Variants in SHLD1 observed in about 807,000 individuals in gnomAD.
SHLD1 encodes RINN1-REV7-interacting novel NHEJ regulator 3.
Under a neutral mutation model 5.5 loss-of-function variants are expected in SHLD1, and 3 were observed. The observed-to-expected ratio is 0.54, with a 90% confidence interval of 0.25 to 1.40. The LOEUF (loss-of-function observed/expected upper bound fraction) is 1.40, where lower values mean the gene tolerates loss of function less well. Ranked by LOEUF, SHLD1 falls within the 40% of genes most tolerant of loss-of-function variation. The probability of loss-of-function intolerance (pLI) is 0.15; values close to 1 mark genes in which losing one functional copy is unlikely to be tolerated. For synonymous variants in SHLD1, 92 were observed against 94.3 expected (o/e 0.98, Z 0.14); for missense variants, 210 against 244.4 (o/e 0.86, Z 0.94).
At position 5,785,121 on chromosome 20, in the gene SHLD1, G is replaced by GT. The variant is rs372807745; in HGVS notation, c.178+12079dup. 7.8e-3 allele frequency among the ~76,000 whole-genome samples: 1,184 copies of GT among 152,258 alleles called. 16 individuals are homozygous for GT. Among genetic ancestry groups the GT allele is most frequent in the African/African-American group, 0.027 (1,103 of 41,542 alleles). On this transcript the variant is annotated intron_variant, in intron 2 of 2. Transcript: ENST00000303142. Reference sequence around the variant, plus strand: ...ATTACAATAGTCAATCCCAAAGACCGTAGGCCATAAGACCCCCATTTCAAA... The same window carrying GT: ...ATTACAATAGTCAATCCCAAAGACCGTTAGGCCATAAGACCCCCATTTCAAA...
chr20:5,852,638 C>T (rs555484725), intron 2 of SHLD1, among the ~76,000 whole-genome samples: 45 of 152,074 alleles, frequency 3.0e-4, no homozygotes, highest in Admixed American at 8.5e-4. Context: ...TTAGTAGAGA[C>T]GGGGTTTTGC....
chr20:5,848,925 A>C (rs574441035), intron 2 of SHLD1, among the ~76,000 whole-genome samples: 1 of 152,156 alleles, frequency 6.6e-6, no homozygotes, highest in Non-Finnish European at 1.5e-5. Flanking sequence ...TCCAGTTTGA[A>C]CTTTCAGATA....
intron 2 of SHLD1, among the ~76,000 whole-genome samples, chr20:5,787,101 T>G (rs2087070339): frequency 6.6e-6 from 1 of 152,202 alleles, no homozygotes; most frequent in African/African-American, 2.4e-5. Flanking sequence ...TTAAATAAAT[T>G]TGTATGCCTT....
At chr20:5,836,063 AT>A (rs986184369) in intron 2 of SHLD1, among the ~76,000 whole-genome samples, 4 of 147,028 alleles carry the variant, frequency 2.7e-5, no homozygotes, top group Non-Finnish European at 4.5e-5. Flanking sequence ...TTTTCTGTCT[AT>A]TTTTTTTTCT....
At chr20:5,848,725 G>A (rs1357501469) in intron 2 of SHLD1, among the ~76,000 whole-genome samples, 3 of 152,144 alleles carry the variant, frequency 2.0e-5, no homozygotes, top group African/African-American at 4.8e-5. Context: ...CAGAACATTG[G>A]TCTTATTAAA....
chr20:5,762,399 C>T (rs1042946285), intron 1 of SHLD1, among the ~76,000 whole-genome samples: 2 of 152,042 alleles, frequency 1.3e-5, no homozygotes, highest in African/African-American at 2.4e-5. Context: ...CACCCTAGCC[C>T]GAATTAACCC....
intron 1 of SHLD1, among the ~76,000 whole-genome samples, chr20:5,756,137 C>A (rs1043080248): frequency 2.0e-5 from 3 of 151,886 alleles, no homozygotes; most frequent in African/African-American, 7.3e-5. Flanking sequence ...ATCTCTGACC[C>A]CCCTTTCCAT....
At chr20:5,849,961 G>A (rs902199281) in intron 2 of SHLD1, among the ~76,000 whole-genome samples, 3 of 100,926 alleles carry the variant, frequency 3.0e-5, no homozygotes, top group South Asian at 3.2e-4. Flanking sequence ...GCGAGACTCC[G>A]TCTCAAAAAA....
At chr20:5,784,672 G>T (rs1263734381) in intron 2 of SHLD1, among the ~76,000 whole-genome samples, 1 of 151,858 alleles carries the variant, frequency 6.6e-6, no homozygotes. Flanking sequence ...GGTTGGTCTC[G>T]ATCGCCTGAC....
Position 5,863,351 on chromosome 20 carries a change from T to C in SHLD1, c.506T>C (p.Phe169Ser), listed in dbSNP as rs567946919. Residue 169 changes from phenylalanine (F) to serine (S), a missense_variant, in exon 3 of 3, where the codon TTC (phenylalanine) becomes TCC (serine). Transcript: ENST00000303142. The part of the protein sequence containing the change: ...VLQRHSRDTH[F>S]YPLEEGSTSL... ...CAGAGGCATTCCAGGGACACCCACTTCTACCCACTGGAGGAAGGAAGTACA... is the reference window on the plus strand; with the variant it reads ...CAGAGGCATTCCAGGGACACCCACTCCTACCCACTGGAGGAAGGAAGTACA... 1.9e-6 allele frequency: 3 copies of C among 1,614,220 alleles called. No individual in the cohort carries two copies. Among genetic ancestry groups the C allele is most frequent in the Admixed American group, 3.3e-5 (2 of 60,026 alleles).
At chr20:5,815,785 A>G (rs1407952955) in intron 2 of SHLD1, among the ~76,000 whole-genome samples, 2 of 152,158 alleles carry the variant, frequency 1.3e-5, no homozygotes, top group Non-Finnish European at 2.9e-5. Flanking sequence ...TTGTTTTTAT[A>G]TAAAAGAAAT....
chr20:5,860,876 T>TAAAAAAAAAA (rs10555301), intron 2 of SHLD1, among the ~76,000 whole-genome samples: 2 of 100,788 alleles, frequency 2.0e-5, no homozygotes, highest in Non-Finnish European at 3.8e-5. Flanking sequence ...TACTATTCTT[T>TAAAAAAAAAA]AAAAAAAAAA....
intron 2 of SHLD1, among the ~76,000 whole-genome samples, chr20:5,774,341 A>G (rs1259437623): frequency 6.6e-6 from 1 of 152,224 alleles, no homozygotes; most frequent in African/African-American, 2.4e-5. Flanking sequence ...AGGATGTGTA[A>G]CTGTCATTGC....
chr20:5,753,250 A>C (rs1983867551), intron 1 of SHLD1, among the ~76,000 whole-genome samples: 2 of 152,188 alleles, frequency 1.3e-5, no homozygotes, highest in South Asian at 4.1e-4. Flanking sequence ...ATGTATCCTA[A>C]CCTATGTCTT....
intron 2 of SHLD1, among the ~76,000 whole-genome samples, chr20:5,847,462 T>C (rs1439520706): frequency 6.6e-6 from 1 of 152,196 alleles, no homozygotes; most frequent in Admixed American, 6.5e-5. Context: ...TCGCTTTCCA[T>C]GTAAGAGACG....
In SHLD1 at chr20:5,806,630, T is replaced by C. The variant is rs112675070; in HGVS notation, c.178+33587T>C. 1.8e-4 allele frequency among the ~76,000 whole-genome samples: 28 copies of C among 152,310 alleles called. 1 individual carries two copies. The highest frequency in any genetic ancestry group is 6.3e-4 in the African/African-American group (26 of 41,560). ...GCCTGCAGTGTTGTCCCAGGAGCTGTTGAGGGCAGTGGCGCCTGCTTCTGG... is the reference window on the plus strand; with the variant it reads ...GCCTGCAGTGTTGTCCCAGGAGCTGCTGAGGGCAGTGGCGCCTGCTTCTGG... On this transcript the variant is annotated intron_variant, in intron 2 of 2. Coordinates refer to ENST00000303142, the MANE Select transcript of SHLD1 (RefSeq NM_152504.4). This position sits in a 1 kb window ranked among gnomAD's most constrained non-coding sequence, Gnocchi z 7.6.
At chr20:5,762,350 A>C (rs1984514687) in intron 1 of SHLD1, among the ~76,000 whole-genome samples, 1 of 152,168 alleles carries the variant, frequency 6.6e-6, no homozygotes, top group Non-Finnish European at 1.5e-5. Flanking sequence ...AATTAGAAAT[A>C]AATAAATAAC....
chr20:5,756,749 T>G (rs1268926177), intron 1 of SHLD1: 1 of 254,714 alleles, frequency 3.9e-6, no homozygotes, highest in Non-Finnish European at 8.0e-6. Context: ...TGGAGTACAA[T>G]GACAATCTCA....
chr20:5,844,616 G>A (rs1249370206), intron 2 of SHLD1, among the ~76,000 whole-genome samples: 1 of 151,930 alleles, frequency 6.6e-6, no homozygotes, highest in African/African-American at 2.4e-5. Flanking sequence ...CTGTGAGATG[G>A]GTAATGTTCA....
Sources: gnomAD v4.1 joint callset for allele counts (sites outside exome capture counted in the v4.1 genomes callset) on GRCh38, gnomAD v4.1.1 for gene constraint, Gnocchi (gnomAD v3.1) non-coding constraint, MANE v1.5 for transcripts, NCBI Gene and HGNC (gene_info 2026-07-23, HGNC 2026-07-21) for gene names.